Variants in CTNND2 observed in about 807,000 individuals in gnomAD.
The protein encoded by CTNND2 is catenin delta 2.
CTNND2 carries 22 observed loss-of-function variants against 144.4 expected under a neutral mutation model. That is an observed-to-expected ratio of 0.15 (90% CI 0.11 to 0.22). The LOEUF (loss-of-function observed/expected upper bound fraction) is 0.22, where lower values mean the gene tolerates loss of function less well. CTNND2 is among the 10% of genes least tolerant of loss of function. The pLI is 1.00. For synonymous variants in CTNND2, 751 were observed against 695.6 expected (o/e 1.08, Z -1.25); for missense variants, 1,353 against 1,618.8 (o/e 0.84, Z 2.82).
rs933095680 is a variant in CTNND2 at position 11,171,422 on chromosome 5, C to T, written c.1976-11663G>A. On this transcript the variant is annotated intron_variant, in intron 11 of 21. Transcript: ENST00000304623. ...ACTGGATAATAATATTAACACTCAT[C>T]TTTAATTTCTGCTGATCATGCTCAA... Among the ~76,000 whole-genome samples the T allele has an allele frequency of 8.5e-5, 13 of 152,300 alleles. No homozygotes were observed. In the East Asian group the frequency reaches 2.5e-3, roughly 29 times the overall value.
At chr5:11,097,909 G>A (rs1340993566) in intron 15 of CTNND2, among the ~76,000 whole-genome samples, 5 of 152,264 alleles carry the variant, frequency 3.3e-5, no homozygotes, top group South Asian at 2.1e-4. Flanking sequence ...GCAAATTAGC[G>A]CATTGGTGAC....
At chr5:11,711,339 G>A (rs1366264266) in intron 2 of CTNND2, among the ~76,000 whole-genome samples, 5 of 152,184 alleles carry the variant, frequency 3.3e-5, no homozygotes, top group African/African-American at 9.7e-5. Context: ...TTACAGGCAT[G>A]AGCCACCACG....
At chr5:11,125,877 C>T (rs114566417) in intron 12 of CTNND2, among the ~76,000 whole-genome samples, 4,978 of 152,298 alleles carry the variant, frequency 0.033, 267 homozygotes, top group African/African-American at 0.11. Context: ...TATTAATGAA[C>T]CATGTAGGTA....
At chr5:11,764,632 C>G (rs1789475327) in intron 1 of CTNND2, among the ~76,000 whole-genome samples, 1 of 152,112 alleles carries the variant, frequency 6.6e-6, no homozygotes, top group African/African-American at 2.4e-5. Context: ...CAACATGTGA[C>G]TTTTCCTTTC....
At chr5:11,802,788 A>T (rs987082853) in intron 1 of CTNND2, among the ~76,000 whole-genome samples, 29 of 152,350 alleles carry the variant, frequency 1.9e-4, no homozygotes, top group African/African-American at 7.0e-4. Context: ...AATGTAATGA[A>T]CATTATTTTA....
intron 7 of CTNND2, among the ~76,000 whole-genome samples, chr5:11,379,760 T>C (rs1437637705): frequency 6.6e-6 from 1 of 152,182 alleles, no homozygotes; most frequent in African/African-American, 2.4e-5. Context: ...CATTTTTTCT[T>C]TGTAATTCCA....
Position 11,118,257 on chromosome 5 carries a change from C to A in CTNND2, c.2160-690G>T, listed in dbSNP as rs531101125. Reference sequence around the variant, plus strand: ...TAATCCGAAGGAAAATCTTGGGGTGCTTTTAGTTACTCTACCACCTGAGCA... The same window carrying A: ...TAATCCGAAGGAAAATCTTGGGGTGATTTTAGTTACTCTACCACCTGAGCA... On this transcript the variant is annotated intron_variant, in intron 12 of 21. Transcript: ENST00000304623. 7.2e-5 allele frequency among the ~76,000 whole-genome samples: 11 copies of A among 152,314 alleles called. No individual in the cohort carries two copies. In the East Asian group the frequency reaches 2.1e-3, roughly 29 times the overall value.
At chr5:11,329,608 C>T (rs1446496946) in intron 9 of CTNND2, among the ~76,000 whole-genome samples, 1 of 152,220 alleles carries the variant, frequency 6.6e-6, no homozygotes, top group Admixed American at 6.5e-5. Context: ...CAGTTACCCA[C>T]ACTGGAGAGA....
intron 2 of CTNND2, among the ~76,000 whole-genome samples, chr5:11,672,485 A>G (rs1306055770): frequency 1.3e-5 from 2 of 152,152 alleles, no homozygotes; most frequent in African/African-American, 4.8e-5. Context: ...CTTGCCCAGC[A>G]AGGAGAAATC....
intron 1 of CTNND2, among the ~76,000 whole-genome samples, chr5:11,764,540 C>T (rs1789468965): frequency 6.6e-6 from 1 of 152,204 alleles, no homozygotes; most frequent in South Asian, 2.1e-4. Context: ...GCTCATATCC[C>T]TGGAGTCTTC....
intron 16 of CTNND2, among the ~76,000 whole-genome samples, chr5:11,038,224 T>C (rs1744289368): frequency 6.6e-6 from 1 of 152,126 alleles, no homozygotes; most frequent in South Asian, 2.1e-4. Flanking sequence ...CATGGAACAA[T>C]ACTGGTCCAT....
rs192755294 is a variant in CTNND2, at chr5:11,895,901, C to T, written c.37+7916G>A. 3.3e-5 allele frequency among the ~76,000 whole-genome samples: 5 copies of T among 152,060 alleles called. 1 individual carries two copies. The highest frequency in any genetic ancestry group is 9.7e-5 in the African/African-American group (4 of 41,406). Reference sequence around the variant, plus strand: ...GAAGCAAATGAATTAGAGAAAAACACAATATTTCTCCTATGTAATTAGAAG... The same window carrying T: ...GAAGCAAATGAATTAGAGAAAAACATAATATTTCTCCTATGTAATTAGAAG... On this transcript the variant is annotated intron_variant, in intron 1 of 21. Transcript: ENST00000304623.
At chr5:11,652,673 T>A (rs1782704143) in intron 2 of CTNND2, among the ~76,000 whole-genome samples, 1 of 152,218 alleles carries the variant, frequency 6.6e-6, no homozygotes, top group South Asian at 2.1e-4. Flanking sequence ...CATTGTGAAG[T>A]AATCACCACA....
chr5:11,114,313 C>T (rs140335978), intron 13 of CTNND2, among the ~76,000 whole-genome samples: 22 of 151,748 alleles, frequency 1.4e-4, no homozygotes, highest in Admixed American at 6.6e-4. Context: ...GCTTTATAAT[C>T]GAGCTGCAGC....
At chr5:11,729,423 A>G (rs1168745252) in intron 2 of CTNND2, among the ~76,000 whole-genome samples, 1 of 152,194 alleles carries the variant, frequency 6.6e-6, no homozygotes, top group African/African-American at 2.4e-5. Context: ...TGTATAAACC[A>G]AAAACATATC....
chr5:11,718,127 G>A (rs980068645), intron 2 of CTNND2, among the ~76,000 whole-genome samples: 4 of 152,154 alleles, frequency 2.6e-5, no homozygotes, highest in African/African-American at 9.6e-5. Context: ...TTCAATATTC[G>A]TATTTGTAGC....
chr5:11,594,691 TACAC>T (rs1779418742), intron 2 of CTNND2, among the ~76,000 whole-genome samples: 1 of 152,144 alleles, frequency 6.6e-6, no homozygotes, highest in Non-Finnish European at 1.5e-5. Flanking sequence ...CAAACAAATA[TACAC>T]ACACAAACAA....
intron 3 of CTNND2, among the ~76,000 whole-genome samples, chr5:11,497,998 C>A (rs1166765166): frequency 6.6e-6 from 1 of 152,040 alleles, no homozygotes; most frequent in Admixed American, 6.6e-5. Context: ...ATCAAAGGGG[C>A]CTGAACCCTG....
chr5:11,732,898 C>T (rs954352661), intron 1 of CTNND2, among the ~76,000 whole-genome samples: 1 of 151,920 alleles, frequency 6.6e-6, no homozygotes, highest in Admixed American at 6.6e-5. Context: ...GAGGGTCCTG[C>T]CCCCTACGTC....
Sources: allele counts gnomAD v4.1 joint callset (sites outside exome capture counted in the v4.1 genomes callset), GRCh38; gene constraint gnomAD v4.1.1; transcripts MANE v1.5; gene names NCBI Gene and HGNC (gene_info 2026-07-23, HGNC 2026-07-21).